Variants in OPCML observed in about 807,000 individuals in gnomAD.
The protein encoded by OPCML is opioid-binding protein/cell adhesion molecule.
Under a neutral mutation model 37.8 loss-of-function variants are expected in OPCML, and 13 were observed. That is an observed-to-expected ratio of 0.34 (90% confidence interval 0.22 to 0.55). OPCML has a LOEUF of 0.55. Ranked by LOEUF, OPCML falls within the 20% of genes least tolerant of loss-of-function variation. The pLI is 0.91. For missense variants in OPCML, 341 were observed against 435.6 expected, an observed-to-expected ratio of 0.78 and a Z score of 1.93; for synonymous variants, 176 against 168.8, an observed-to-expected ratio of 1.04 and a Z score of -0.33.
intron 1 of OPCML, among the ~76,000 whole-genome samples, chr11:133,326,535 G>T (rs1297506851): frequency 6.8e-6 from 1 of 147,188 alleles, no homozygotes; most frequent in African/African-American, 2.5e-5. Context: ...TAAGTGTGTG[G>T]GGGGAGTGGG....
chr11:132,518,299 AC>A (rs35651947), intron 4 of OPCML, among the ~76,000 whole-genome samples: 1 of 151,814 alleles, frequency 6.6e-6, no homozygotes, highest in Non-Finnish European at 1.5e-5. Context: ...ATTGTTCAAC[AC>A]CCACTTATGA....
At chr11:133,494,175 C>A (rs931475922) in intron 1 of OPCML, among the ~76,000 whole-genome samples, 1 of 152,132 alleles carries the variant, frequency 6.6e-6, no homozygotes, top group Non-Finnish European at 1.5e-5. Context: ...AATGAGATAC[C>A]ATCTCACACC....
Position 132,841,397 on chromosome 11 carries a change from A to G in OPCML, c.146+101529T>C, listed in dbSNP as rs552044458. On this transcript the variant is annotated intron_variant, in intron 2 of 7. Transcript: ENST00000524381. ...CAGCAGTTGTGAACTTTCAAGACCTAGATGATCTCTAGCCCACTGTAGAGG... is the reference window on the plus strand; with the variant it reads ...CAGCAGTTGTGAACTTTCAAGACCTGGATGATCTCTAGCCCACTGTAGAGG... 3.3e-5 allele frequency among the ~76,000 whole-genome samples: 5 copies of G among 152,298 alleles called. No individual in the cohort carries two copies. In the East Asian group the frequency reaches 7.7e-4, roughly 24 times the overall value.
At chr11:133,091,770 A>G (rs1055052928) in intron 1 of OPCML, among the ~76,000 whole-genome samples, 1 of 152,162 alleles carries the variant, frequency 6.6e-6, no homozygotes, top group Non-Finnish European at 1.5e-5. Flanking sequence ...TTCTCACAGG[A>G]TGACTTGTAC....
intron 2 of OPCML, among the ~76,000 whole-genome samples, chr11:132,933,578 G>A (rs1945278660): frequency 6.6e-6 from 1 of 152,000 alleles, no homozygotes; most frequent in Non-Finnish European, 1.5e-5. Flanking sequence ...AGATGTGTGT[G>A]TGTGCGTGTG....
At chr11:133,086,354 C>A (rs770614135) in intron 1 of OPCML, among the ~76,000 whole-genome samples, 6 of 151,934 alleles carry the variant, frequency 3.9e-5, no homozygotes, top group Admixed American at 1.3e-4. Flanking sequence ...GGGACATCAA[C>A]TTTTTTATGT....
chr11:132,573,599 T>C (rs1344690915), intron 3 of OPCML, among the ~76,000 whole-genome samples: 2 of 152,016 alleles, frequency 1.3e-5, no homozygotes, highest in South Asian at 2.1e-4. Context: ...TTGTGGTGCA[T>C]GATGCTTTGA....
At chr11:132,492,903 C>T (rs1416546466) in intron 4 of OPCML, among the ~76,000 whole-genome samples, 1 of 152,106 alleles carries the variant, frequency 6.6e-6, no homozygotes, top group Non-Finnish European at 1.5e-5. Flanking sequence ...TAGCACCTGA[C>T]AGGTACATTA....
chr11:133,408,703 T>A (rs991446063), intron 1 of OPCML, among the ~76,000 whole-genome samples: 2 of 152,004 alleles, frequency 1.3e-5, no homozygotes, highest in Admixed American at 6.6e-5. Flanking sequence ...TATGCACAGC[T>A]GTAGGATGTG....
intron 1 of OPCML, among the ~76,000 whole-genome samples, chr11:133,431,978 A>C (rs1336695571): frequency 6.6e-6 from 1 of 152,092 alleles, no homozygotes; most frequent in Non-Finnish European, 1.5e-5. Flanking sequence ...CGTTATTACT[A>C]CTAAGAAATC....
chr11:133,421,603 A>G, intron 1 of OPCML: 1 of 985,464 alleles, frequency 1.0e-6, no homozygotes, highest in Non-Finnish European at 1.2e-6. Context: ...TTCAACCTCT[A>G]TAACCATTGA....
chr11:132,719,519 G>A (rs564799397), intron 2 of OPCML, among the ~76,000 whole-genome samples: 126 of 152,216 alleles, frequency 8.3e-4, no homozygotes, highest in Non-Finnish European at 1.5e-3. Flanking sequence ...CCTCTGTGCT[G>A]CAACCACGAG....
At chr11:132,701,158 A>G (rs990941382) in intron 2 of OPCML, among the ~76,000 whole-genome samples, 1 of 152,216 alleles carries the variant, frequency 6.6e-6, no homozygotes, top group Admixed American at 6.5e-5. Flanking sequence ...GAAGCCTTAC[A>G]ATCATGGTGG....
chr11:132,503,874 T>TACA (rs1356361153), intron 4 of OPCML, among the ~76,000 whole-genome samples: 1 of 152,210 alleles, frequency 6.6e-6, no homozygotes, highest in East Asian at 1.9e-4. Flanking sequence ...CCAAGGACTG[T>TACA]ATATTTTATC....
At chr11:133,465,795 T>G (rs1357195276) in intron 1 of OPCML, among the ~76,000 whole-genome samples, 2 of 152,146 alleles carry the variant, frequency 1.3e-5, no homozygotes, top group Non-Finnish European at 2.9e-5. Context: ...AAAGGGACAC[T>G]GGGAGGACTA....
chr11:132,589,744 G>A (rs1206363604), intron 3 of OPCML, among the ~76,000 whole-genome samples: 2 of 151,984 alleles, frequency 1.3e-5, no homozygotes, highest in Non-Finnish European at 2.9e-5. Flanking sequence ...TGGGCAGAGT[G>A]ACTGGAGCAT....
intron 1 of OPCML, among the ~76,000 whole-genome samples, chr11:133,112,931 G>A (rs1949279236): frequency 6.6e-6 from 1 of 152,192 alleles, no homozygotes; most frequent in Non-Finnish European, 1.5e-5. Context: ...AAGGTCAGAT[G>A]ACACATATCT....
At chr11:132,453,243 CT>C (rs2096073072) in intron 4 of OPCML, among the ~76,000 whole-genome samples, 1 of 152,200 alleles carries the variant, frequency 6.6e-6, no homozygotes, top group African/African-American at 2.4e-5. Flanking sequence ...CAGTTTTGGT[CT>C]TTATGGCTGA....
intron 1 of OPCML, among the ~76,000 whole-genome samples, chr11:133,263,956 G>C (rs1039328986): frequency 6.6e-6 from 1 of 152,174 alleles, no homozygotes; most frequent in Non-Finnish European, 1.5e-5. Context: ...TGCTGTCTAA[G>C]CTCCTGATGT....
Sources: allele counts gnomAD v4.1 joint callset (sites outside exome capture counted in the v4.1 genomes callset), GRCh38; gene constraint gnomAD v4.1.1; transcripts MANE v1.5; gene names NCBI Gene and HGNC (gene_info 2026-07-23, HGNC 2026-07-21).